SPG7: variants seen among roughly 807,000 people sequenced by gnomAD.
The protein encoded by SPG7 is SPG7 matrix AAA peptidase subunit, paraplegin, also known as mitochondrial inner membrane m-AAA protease component paraplegin.
A neutral mutation model predicts 81.9 loss-of-function variants in SPG7; 103 were observed. The ratio of observed to expected loss-of-function variants is 1.26; its 90% CI spans 1.07 to 1.48. SPG7 has a LOEUF of 1.48. SPG7 is among the 40% of genes most tolerant of loss of function. SPG7 has a pLI of 0.00. For synonymous variants in SPG7, 534 were observed against 444.2 expected, an observed-to-expected ratio of 1.20 and a Z score of -2.54; for missense variants, 1,241 against 1,087.3, an observed-to-expected ratio of 1.14 and a Z score of -1.99.
At chr16:89,547,821 C>G (rs2058583184) in intron 11 of SPG7, 182 bp from the exon 12 acceptor site, 1 of 625,960 alleles carries the variant, frequency 1.6e-6, no homozygotes, top group Non-Finnish European at 2.9e-6. Context: ...CCCTGTTGGC[C>G]AGGCTGGTCT....
Position 89,556,876 on chromosome 16 carries a change from G to A in SPG7, c.2182-11G>A, listed in dbSNP as rs764687461. 2 of 1,610,140 alleles carry A rather than the reference G, an allele frequency of 1.2e-6. No individual in the cohort carries two copies. The highest frequency in any genetic ancestry group is 1.7e-6 in the Non-Finnish European group (2 of 1,176,568). ...TGGGGACTCACACACTGCTATGCCTGTTCTTTCTAGCTGGCAAACGCCCTT... is the reference window on the plus strand; with the variant it reads ...TGGGGACTCACACACTGCTATGCCTATTCTTTCTAGCTGGCAAACGCCCTT... On this transcript the variant is annotated splice_polypyrimidine_tract_variant and intron_variant, in intron 16 of 16. Coordinates refer to ENST00000645818, the MANE Select transcript of SPG7 (RefSeq NM_003119.4).
chr16:89,553,735 C>G (rs749017973), intron 14 of SPG7, 59 bp from the exon 15 acceptor site: 1 of 1,548,224 alleles, frequency 6.5e-7, no homozygotes, highest in Non-Finnish European at 8.9e-7. Flanking sequence ...CACCTGGGGC[C>G]CAGCACTGCT....
At chr16:89,522,455 A>G (rs1465970179) in intron 3 of SPG7, 6 of 152,228 alleles carry the variant, frequency 3.9e-5, no homozygotes, top group African/African-American at 1.4e-4. Context: ...GTTTGTCCGC[A>G]GGCGCAGGTG....
chr16:89,535,530 C>G (rs2058402430), intron 9 of SPG7, among the ~76,000 whole-genome samples: 1 of 152,232 alleles, frequency 6.6e-6, no homozygotes, highest in Non-Finnish European at 1.5e-5. Flanking sequence ...GCGTGAGCAA[C>G]CGAGACCTGA....
intron 9 of SPG7, 64 bp downstream of exon 9, chr16:89,532,700 G>C (rs1232974700): frequency 5.0e-6 from 8 of 1,598,444 alleles, no homozygotes; most frequent in Admixed American, 1.7e-5. Context: ...ATGTCTTTCA[G>C]AACAGGTTGT....
chr16:89,531,693 T>G (rs1337923580), intron 7 of SPG7: 1 of 587,852 alleles, frequency 1.7e-6, no homozygotes, highest in African/African-American at 1.9e-5. Context: ...TTTTTAAAAG[T>G]AGCTGGGCGT....
At chr16:89,533,092 A>AC (rs2058367944) in intron 9 of SPG7, 1 of 177,220 alleles carries the variant, frequency 5.6e-6, no homozygotes, top group East Asian at 1.5e-4. Context: ...AAAAAAAAAA[A>AC]ACACAGCTTT....
At chr16:89,556,832 A>G in intron 16 of SPG7, 55 bp from the exon 17 acceptor site, 1 of 1,381,430 alleles carries the variant, frequency 7.2e-7, no homozygotes, top group Non-Finnish European at 1.0e-6. Context: ...CCCAGGACAT[A>G]GAGATGCTCT....
chr16:89,546,929 AGGTCCAGAC>A, intron 11 of SPG7, 169 bp downstream of exon 11: 1 of 645,274 alleles, frequency 1.5e-6, no homozygotes, highest in Non-Finnish European at 2.9e-6. Flanking sequence ...GGGCAGCAGG[AGGTCCAGAC>A]GGCACCCGCA....
chr16:89,554,237 G>T (rs1161524003), intron 15 of SPG7, among the ~76,000 whole-genome samples: 2 of 151,092 alleles, frequency 1.3e-5, no homozygotes, highest in African/African-American at 2.4e-5. Context: ...ATGTCCTTCA[G>T]ACTGGGCCAG....
At chr16:89,535,531 C>G (rs1336060878) in intron 9 of SPG7, among the ~76,000 whole-genome samples, 6 of 152,206 alleles carry the variant, frequency 3.9e-5, no homozygotes, top group Non-Finnish European at 8.8e-5. Context: ...CGTGAGCAAC[C>G]GAGACCTGAA....
Position 89,555,946 on chromosome 16 carries a change from C to T in SPG7, c.2182-941C>T, listed in dbSNP as rs6500429. On this transcript the variant is annotated intron_variant, in intron 16 of 16. Transcript: ENST00000645818. ...ACTGTCGTCCCCAGCCAGCAGCAGC[C>T]GCCTCTGGGCAGGTGTGGGCGGTGC... The T allele has an allele frequency of 4.9e-3, 1,964 of 398,894 alleles. 31 individuals are homozygous for T. Among genetic ancestry groups the T allele is most frequent in the African/African-American group, 0.036 (1,756 of 48,764 alleles). 24.7% of individuals were successfully genotyped at this position (398,894 alleles called of 1,614,324 possible).
intron 9 of SPG7, chr16:89,539,259 G>C (rs1431415842): frequency 6.6e-6 from 1 of 152,160 alleles, no homozygotes; most frequent in African/African-American, 2.4e-5. Context: ...AGAACTGTTT[G>C]CCCGCCGGGC....
intron 4 of SPG7, among the ~76,000 whole-genome samples, chr16:89,525,797 C>CGTA (rs1567907886): frequency 6.6e-6 from 1 of 152,082 alleles, no homozygotes; most frequent in African/African-American, 2.4e-5. Context: ...TGTTTTTGGC[C>CGTA]GTAGTCTTGA....
intron 11 of SPG7, chr16:89,547,109 C>T (rs887763528): frequency 1.5e-5 from 5 of 337,962 alleles, no homozygotes; most frequent in East Asian, 1.4e-4. Flanking sequence ...AGCCGCCTCC[C>T]TCTGACCCTC....
intron 9 of SPG7, chr16:89,541,496 G>T: frequency 4.5e-6 from 1 of 220,998 alleles, no homozygotes; most frequent in Non-Finnish European, 7.7e-6. Flanking sequence ...GGGCGGTTCT[G>T]TGTCTTGAGG....
chr16:89,550,578 G>A lies in SPG7; in HGVS notation c.1748G>A (p.Trp583Ter). 6.2e-7 allele frequency: 1 copy of A among 1,613,782 alleles called. No homozygotes were observed. The highest frequency in any genetic ancestry group is 8.5e-7 in the Non-Finnish European group (1 of 1,179,822). Residue 583 changes from tryptophan (W) to a stop codon, truncating the protein, a stop_gained, in exon 13 of 17, where the codon TGG becomes TAG. Transcript: ENST00000645818. LOFTEE classifies it high-confidence loss of function. ...FHESGHALVG[W>*]MLEHTEAVMK... ...GAGTCGGGCCACGCCTTGGTGGGCT[G>A]GATGCTGGAGCACACGGAGGCCGTG...
At chr16:89,552,260 T>TA (rs2058642542) in intron 13 of SPG7, 1 of 152,776 alleles carries the variant, frequency 6.5e-6, no homozygotes. Context: ...GGGGTCTCGT[T>TA]ATGTTGCCCA....
rs863224216 is a variant in SPG7, at chr16:89,508,512, G to A, written c.95G>A (p.Gly32Glu). 1.5e-5 allele frequency: 22 copies of A among 1,515,244 alleles called. 1 individual carries two copies. The highest frequency in any genetic ancestry group is 2.0e-5 in the Admixed American group (1 of 49,432). The allele number at this position is 1,515,244 out of a possible 1,614,324, so 93.9% of individuals were successfully genotyped here. A position where few individuals can be genotyped will look rare whatever the true frequency, so the allele number is the denominator to read the frequency against. ...GGCCCAGGCCCGGCCTGGAGTCCAG[G>A]GTTCCCCGCCAGGCCCGGGAGGGGG... ...LWGPGPAWSP[G>E]FPARPGRGRP... Residue 32 changes from glycine to glutamate, a missense_variant, in exon 1 of 17, where the codon GGG (glycine) becomes GAG (glutamate). Transcript: ENST00000645818.
Sources: gnomAD v4.1 joint callset for allele counts (sites outside exome capture counted in the v4.1 genomes callset) on GRCh38, gnomAD v4.1.1 for gene constraint, MANE v1.5 for transcripts, NCBI Gene and HGNC (gene_info 2026-07-23, HGNC 2026-07-21) for gene names.